PXDNL: variants seen among roughly 807,000 people sequenced by gnomAD.
The protein encoded by PXDNL is peroxidasin like, also known as probable oxidoreductase PXDNL.
Under a neutral mutation model 150.8 loss-of-function variants are expected in PXDNL, and 145 were observed. The ratio of observed to expected loss-of-function variants is 0.96; its 90% CI spans 0.84 to 1.10. The LOEUF is 1.10. Among genes scored for constraint, PXDNL ranks in the 50% least tolerant of loss-of-function variants. PXDNL has a pLI of 0.00. For missense variants in PXDNL, 2,087 were observed against 1,873.9 expected (o/e 1.11, Z -2.10); for synonymous variants, 757 against 725.7 (o/e 1.04, Z -0.69).
At chr8:51,554,200 G>A (rs10105959) in intron 4 of PXDNL, among the ~76,000 whole-genome samples, 44,801 of 152,056 alleles carry the variant, frequency 0.29, 8,239 homozygotes, top group African/African-American at 0.51. Flanking sequence ...CCACACCTAA[G>A]CCCACTTGAG....
chr8:51,548,837 G>C (rs911583201), intron 4 of PXDNL, among the ~76,000 whole-genome samples: 3 of 152,114 alleles, frequency 2.0e-5, no homozygotes, highest in African/African-American at 7.2e-5. Context: ...CTCAATACTA[G>C]CATTGAATGT....
At chr8:51,538,519 A>C (rs1254188282) in intron 4 of PXDNL, among the ~76,000 whole-genome samples, 4 of 152,154 alleles carry the variant, frequency 2.6e-5, no homozygotes, top group African/African-American at 9.7e-5. Flanking sequence ...TAATCCCAGC[A>C]CTTTGGGAGG....
intron 3 of PXDNL, among the ~76,000 whole-genome samples, chr8:51,590,466 C>T (rs1349336359): frequency 6.6e-6 from 1 of 152,126 alleles, no homozygotes; most frequent in Non-Finnish European, 1.5e-5. Flanking sequence ...CCCAAGAGAA[C>T]TGAAGCATGG....
At position 51,749,977 on chromosome 8, in the gene PXDNL, G is replaced by A. The variant is rs4483146; in HGVS notation, c.164+59204C>T. On this transcript the variant is annotated intron_variant, in intron 1 of 22. Transcript: ENST00000356297. ...GGCCTCCCAAAGTGCTAAGATTACA[G>A]GCGTGAGCCACCAGGCCCGGTCCAC... Among the ~76,000 whole-genome samples, 741 of 152,230 alleles carry A rather than the reference G, an allele frequency of 4.9e-3. 21 individuals are homozygous for A. The highest frequency in any genetic ancestry group is 0.036 in the Admixed American group (552 of 15,284).
intron 1 of PXDNL, among the ~76,000 whole-genome samples, chr8:51,735,318 T>TA (rs996445637): frequency 1.3e-4 from 20 of 149,496 alleles, no homozygotes; most frequent in East Asian, 8.1e-4. Context: ...CTGTATCTAC[T>TA]AAAAAAAAAG....
intron 4 of PXDNL, among the ~76,000 whole-genome samples, chr8:51,532,000 T>C (rs1047288565): frequency 1.3e-5 from 2 of 152,214 alleles, no homozygotes; most frequent in Non-Finnish European, 2.9e-5. Context: ...TTGACTAAAT[T>C]TTGCTACAAC....
At chr8:51,731,317 C>T (rs1816925494) in intron 1 of PXDNL, among the ~76,000 whole-genome samples, 1 of 152,170 alleles carries the variant, frequency 6.6e-6, no homozygotes, top group Non-Finnish European at 1.5e-5. Context: ...AAGGTGTAGT[C>T]AAATCTTAAA....
intron 4 of PXDNL, among the ~76,000 whole-genome samples, chr8:51,506,028 T>C (rs1811277563): frequency 6.6e-6 from 1 of 152,220 alleles, no homozygotes; most frequent in Admixed American, 6.5e-5. Flanking sequence ...TTTCAACTGA[T>C]TTTAAAGGAA....
intron 1 of PXDNL, among the ~76,000 whole-genome samples, chr8:51,792,133 G>C (rs1178162949): frequency 6.6e-6 from 1 of 152,088 alleles, no homozygotes; most frequent in Non-Finnish European, 1.5e-5. Context: ...AATCTTCCTT[G>C]AGGGGCCAAG....
intron 1 of PXDNL, among the ~76,000 whole-genome samples, chr8:51,775,582 T>C (rs1023505984): frequency 6.6e-6 from 1 of 152,220 alleles, no homozygotes; most frequent in African/African-American, 2.4e-5. Context: ...TATAATTTCT[T>C]ATGCCTGCCT....
At chr8:51,778,228 G>A (rs143229430) in intron 1 of PXDNL, among the ~76,000 whole-genome samples, 71 of 151,820 alleles carry the variant, frequency 4.7e-4, no homozygotes, top group African/African-American at 1.5e-3. Context: ...GCAGTGAGCC[G>A]AGATCGCGCC....
chr8:51,410,386 GC>G (rs925499338), intron 16 of PXDNL, among the ~76,000 whole-genome samples: 1 of 152,176 alleles, frequency 6.6e-6, no homozygotes, highest in African/African-American at 2.4e-5. Context: ...ATCCATGTTA[GC>G]CAGTCCCTGG....
intron 1 of PXDNL, among the ~76,000 whole-genome samples, chr8:51,784,699 C>T (rs929385050): frequency 4.0e-5 from 6 of 151,380 alleles, no homozygotes; most frequent in African/African-American, 1.5e-4. Flanking sequence ...ATCAGAGAGG[C>T]ACTTATTAGG....
At chr8:51,426,450 A>T (rs1478995705) in intron 13 of PXDNL, among the ~76,000 whole-genome samples, 196 bp downstream of exon 13, 1 of 152,164 alleles carries the variant, frequency 6.6e-6, no homozygotes, top group East Asian at 1.9e-4. Flanking sequence ...CAAAACACTG[A>T]ACCAAAATCA....
chr8:51,332,399 G>A (rs914855809), intron 21 of PXDNL, among the ~76,000 whole-genome samples: 16 of 152,146 alleles, frequency 1.1e-4, no homozygotes, highest in African/African-American at 3.6e-4. Flanking sequence ...ACCAACCCTG[G>A]TAATATGACA....
intron 21 of PXDNL, among the ~76,000 whole-genome samples, chr8:51,336,985 A>G (rs1416438319): frequency 6.6e-6 from 1 of 152,194 alleles, no homozygotes; most frequent in East Asian, 1.9e-4. Context: ...GAAACTGGCT[A>G]TTTTTAAACA....
At chr8:51,527,887 G>A (rs757202672) in intron 4 of PXDNL, among the ~76,000 whole-genome samples, 4 of 152,196 alleles carry the variant, frequency 2.6e-5, no homozygotes, top group Non-Finnish European at 5.9e-5. Context: ...GAGGTTAGGA[G>A]TGTGGATCCG....
At chr8:51,595,416 C>G (rs1813543296) in intron 2 of PXDNL, among the ~76,000 whole-genome samples, 1 of 152,006 alleles carries the variant, frequency 6.6e-6, no homozygotes, top group Non-Finnish European at 1.5e-5. Context: ...AAATAGAACT[C>G]TCTCCCACCT....
intron 2 of PXDNL, among the ~76,000 whole-genome samples, chr8:51,631,811 T>C (rs757278870): frequency 4.5e-4 from 69 of 152,160 alleles, no homozygotes; most frequent in Admixed American, 8.5e-4. Context: ...GCAGAGTTTA[T>C]GCTATTGAAG....
Sources: allele counts gnomAD v4.1 joint callset (sites outside exome capture counted in the v4.1 genomes callset), GRCh38; gene constraint gnomAD v4.1.1; transcripts MANE v1.5; gene names NCBI Gene and HGNC (gene_info 2026-07-23, HGNC 2026-07-21).